The following ZNRF3 variants were observed in gnomAD, a reference collection of about 807,000 sequenced individuals.
ZNRF3 encodes the protein zinc and ring finger 3, also known as E3 ubiquitin-protein ligase ZNRF3.
ZNRF3 carries 23 observed loss-of-function variants against 72.5 expected under a neutral mutation model. The ratio of observed to expected loss-of-function variants is 0.32; its 90% CI spans 0.23 to 0.45. The LOEUF (loss-of-function observed/expected upper bound fraction) is 0.45. ZNRF3 is among the 20% of genes least tolerant of loss of function. The pLI is 1.00. For missense variants in ZNRF3, 1,169 were observed against 1,272.1 expected (o/e 0.92, Z 1.23); for synonymous variants, 610 against 545.3 (o/e 1.12, Z -1.65).
intron 1 of ZNRF3, among the ~76,000 whole-genome samples, chr22:28,943,701 C>T (rs2034993500): frequency 6.6e-6 from 1 of 151,814 alleles, no homozygotes. Context: ...GCCATTTGTT[C>T]CTCTTTACAC....
chr22:29,051,437 C>T lies in ZNRF3; in HGVS notation c.2767+489C>T, dbSNP rs567354893. Among the ~76,000 whole-genome samples, 26 of 152,120 alleles carry T rather than the reference C, an allele frequency of 1.7e-4. No individual in the cohort carries two copies. In the East Asian group the frequency reaches 4.1e-3, roughly 24 times the overall value. ...GTAGGAGCCACTTCATAAACATTCT[C>T]GTTACTCAGTACAAAAGTTAGCCAG... On this transcript the variant is annotated intron_variant, in intron 8 of 8. Transcript: ENST00000544604.
At chr22:28,904,127 A>G (rs2034160635) in intron 1 of ZNRF3, among the ~76,000 whole-genome samples, 1 of 152,178 alleles carries the variant, frequency 6.6e-6, no homozygotes, top group East Asian at 1.9e-4. Flanking sequence ...ACCTCACCCC[A>G]GAAAACAACT....
intron 1 of ZNRF3, among the ~76,000 whole-genome samples, chr22:28,985,454 G>A (rs1021190091): frequency 2.0e-5 from 3 of 152,068 alleles, no homozygotes; most frequent in African/African-American, 4.8e-5. Flanking sequence ...CAGCAGCTGC[G>A]CAAAGCCTCC....
intron 1 of ZNRF3, among the ~76,000 whole-genome samples, chr22:28,977,486 T>G (rs1194481922): frequency 1.3e-5 from 2 of 152,334 alleles, no homozygotes; most frequent in Middle Eastern, 3.4e-3. Flanking sequence ...TTTCCTTTCT[T>G]TCACGTAAAT....
chr22:28,964,945 C>T (rs2035432311), intron 1 of ZNRF3, among the ~76,000 whole-genome samples: 1 of 152,138 alleles, frequency 6.6e-6, no homozygotes, highest in Admixed American at 6.6e-5. Flanking sequence ...CCTTTACCAG[C>T]CGAATTAGTA....
At chr22:29,036,054 G>T (rs1195143518) in intron 2 of ZNRF3, among the ~76,000 whole-genome samples, 1 of 152,050 alleles carries the variant, frequency 6.6e-6, no homozygotes, top group African/African-American at 2.4e-5. Flanking sequence ...TTTTATTCTT[G>T]CCAATATGTG....
At chr22:29,031,665 A>T in intron 2 of ZNRF3, 1 of 981,060 alleles carries the variant, frequency 1.0e-6, no homozygotes, top group South Asian at 4.7e-5. Flanking sequence ...TGGCCTCCAG[A>T]GGGAGGGGGA....
chr22:29,043,154 T>C (rs2036999417), intron 3 of ZNRF3, 145 bp from the exon 4 acceptor site: 1 of 892,748 alleles, frequency 1.1e-6, no homozygotes, highest in Non-Finnish European at 1.6e-6. Flanking sequence ...AGCCTTGCTC[T>C]TCTGGGAGCT....
At chr22:29,031,347 T>TACCACC (rs112771648) in intron 2 of ZNRF3, 2 of 152,504 alleles carry the variant, frequency 1.3e-5, no homozygotes, top group African/African-American at 2.4e-5. Flanking sequence ...TCTCCTCTTC[T>TACCACC]ACCACCACCA....
intron 2 of ZNRF3, among the ~76,000 whole-genome samples, chr22:29,012,893 C>T (rs1263298851): frequency 6.6e-6 from 1 of 152,184 alleles, no homozygotes; most frequent in Non-Finnish European, 1.5e-5. Context: ...TACATTGAGA[C>T]TCAGGGGAAG....
In ZNRF3 at chr22:29,048,872, C is replaced by T. The variant is rs1227608459; in HGVS notation, c.1016-325C>T. ...GCAGAGGCCAGCTTGGGCTGTTGCTCCTGCATCACTGTGTCATTAAACAGG... is the reference window on the plus strand; with the variant it reads ...GCAGAGGCCAGCTTGGGCTGTTGCTTCTGCATCACTGTGTCATTAAACAGG... On this transcript the variant is annotated intron_variant, in intron 7 of 8. Transcript: ENST00000544604. This position sits in a 1 kb window ranked among gnomAD's most constrained non-coding sequence, Gnocchi z 4.9. Among the ~76,000 whole-genome samples the T allele has an allele frequency of 6.6e-6, 1 of 152,152 alleles. No individual in the cohort carries two copies. The highest frequency in any genetic ancestry group is 1.5e-5 in the Non-Finnish European group (1 of 68,028).
intron 1 of ZNRF3, among the ~76,000 whole-genome samples, chr22:28,962,674 C>G (rs2035385968): frequency 6.6e-6 from 1 of 152,150 alleles, no homozygotes; most frequent in Non-Finnish European, 1.5e-5. Context: ...AGGATACATG[C>G]CTGTATTTGG....
intron 1 of ZNRF3, among the ~76,000 whole-genome samples, chr22:28,960,936 C>T (rs1252029487): frequency 1.1e-4 from 16 of 152,200 alleles, no homozygotes; most frequent in Admixed American, 1.0e-3. Context: ...ACCACATCAT[C>T]TCAATTTATC....
chr22:28,949,443 T>A (rs868073866), intron 1 of ZNRF3, among the ~76,000 whole-genome samples: 31 of 151,810 alleles, frequency 2.0e-4, no homozygotes, highest in African/African-American at 6.5e-4. Context: ...CCAGCTATAT[T>A]TTTTTATTTT....
At position 29,050,548 on chromosome 22, in the gene ZNRF3, C is replaced by T. The variant is rs772723455; in HGVS notation, c.2367C>T (p.Arg789=). ...TCTATGAAGAGAAGCAGGTGGCCCGCGGGGGCGGAGGGGGCAGCGGCTGCT... is the reference window on the plus strand; with the variant it reads ...TCTATGAAGAGAAGCAGGTGGCCCGTGGGGGCGGAGGGGGCAGCGGCTGCT... The part of the protein sequence containing the change: ...CCFYEEKQVA[R]GGGGGSGCYT... Residue 789 remains arginine, a synonymous_variant, in exon 8 of 9, where the codon CGC becomes CGT. Coordinates refer to ENST00000544604, the MANE Select transcript of ZNRF3 (RefSeq NM_001206998.2). 4.3e-6 allele frequency: 7 copies of T among 1,610,234 alleles called. No homozygotes were observed. The highest frequency in any genetic ancestry group is 2.7e-5 in the African/African-American group (2 of 74,838).
At chr22:28,977,973 C>T (rs1480859720) in intron 1 of ZNRF3, among the ~76,000 whole-genome samples, 1 of 152,216 alleles carries the variant, frequency 6.6e-6, no homozygotes, top group Non-Finnish European at 1.5e-5. Context: ...TTAACCTTGT[C>T]TGACATCGTC....
chr22:29,050,658 G>A lies in ZNRF3; in HGVS notation c.2477G>A (p.Ser826Asn). The change falls in exon 8 of 9, where the codon AGC (serine) becomes AAC (asparagine). Residue 826 changes from serine to asparagine, a missense_variant. Physicochemically the swap from Ser to Asn is conservative, Grantham distance 46 (BLOSUM62 1). This residue lies in a region of ZNRF3 where 783 missense variants were observed against 731.4 expected (regional missense o/e 1.07). Transcript: ENST00000544604. ...PGCYPGARDL[S>N]QRIPIIPEDV... is the part of the protein sequence containing the mutation. ...TGCTACCCCGGGGCCCGGGACCTGA[G>A]CCAGCGCATCCCCATCATTCCAGAG... 6 of 1,612,258 alleles carry A rather than the reference G, an allele frequency of 3.7e-6. No homozygotes were observed. Among genetic ancestry groups the A allele is most frequent in the Non-Finnish European group, 5.1e-6 (6 of 1,179,580 alleles).
At chr22:28,962,889 CATTGAAGG>C (rs1248271890) in intron 1 of ZNRF3, among the ~76,000 whole-genome samples, 1 of 152,202 alleles carries the variant, frequency 6.6e-6, no homozygotes, top group Non-Finnish European at 1.5e-5. Flanking sequence ...AGTTCAAATG[CATTGAAGG>C]AAGCCGTTTT....
chr22:28,896,147 C>T (rs8137262), intron 1 of ZNRF3, among the ~76,000 whole-genome samples: 58,696 of 148,004 alleles, frequency 0.4, 12,455 homozygotes, highest in East Asian at 0.61. Context: ...TTATTTTTAT[C>T]TTTTTGAGAC....
Sources: gnomAD v4.1 joint callset for allele counts (sites outside exome capture counted in the v4.1 genomes callset) on GRCh38, gnomAD v4.1.1 for gene constraint, gnomAD v4.1.1 regional missense constraint, Gnocchi (gnomAD v3.1) non-coding constraint, MANE v1.5 for transcripts, NCBI Gene and HGNC (gene_info 2026-07-23, HGNC 2026-07-21) for gene names.